PDGFRA: variants seen among roughly 807,000 people sequenced by gnomAD.
PDGFRA encodes platelet-derived growth factor receptor alpha.
PDGFRA carries 25 observed loss-of-function variants against 121.5 expected under a neutral mutation model. The ratio of observed to expected loss-of-function variants is 0.21; its 90% CI spans 0.15 to 0.29. The LOEUF (loss-of-function observed/expected upper bound fraction) is 0.29. Ranked by LOEUF, PDGFRA falls within the 10% of genes least tolerant of loss-of-function variation. The pLI is 1.00. For missense variants in PDGFRA, 1,008 were observed against 1,345.1 expected, an observed-to-expected ratio of 0.75 and a Z score of 3.92; for synonymous variants, 463 against 494.8, an observed-to-expected ratio of 0.94 and a Z score of 0.85.
chr4:54,245,663 C>G (rs1282913172), intron 1 of PDGFRA, among the ~76,000 whole-genome samples: 2 of 151,780 alleles, frequency 1.3e-5, no homozygotes, highest in Non-Finnish European at 3.0e-5. Context: ...AACTAACGAG[C>G]AAAATAACCA....
chr4:54,290,262 T>G, intron 21 of PDGFRA, 51 bp from the exon 22 acceptor site: 4 of 1,452,846 alleles, frequency 2.8e-6, no homozygotes, highest in Non-Finnish European at 3.9e-6. Flanking sequence ...TATTCATTTT[T>G]GAGGTTTGGT....
At chr4:54,230,798 C>A (rs1184322093) in intron 1 of PDGFRA, among the ~76,000 whole-genome samples, 1 of 152,172 alleles carries the variant, frequency 6.6e-6, no homozygotes, top group African/African-American at 2.4e-5. Context: ...GCCGTCTGTG[C>A]GTACTTCTCC....
At chr4:54,260,434 G>T (rs1722635293) in intron 2 of PDGFRA, among the ~76,000 whole-genome samples, 1 of 134,210 alleles carries the variant, frequency 7.5e-6, no homozygotes. Flanking sequence ...TTTGAGACAG[G>T]GTCTCTCGCT....
chr4:54,262,825 G>T (rs1199495263), intron 3 of PDGFRA, among the ~76,000 whole-genome samples: 1 of 152,202 alleles, frequency 6.6e-6, no homozygotes, highest in Non-Finnish European at 1.5e-5. Context: ...ACGTGAATGT[G>T]TTAAAGGCAC....
intron 12 of PDGFRA, chr4:54,277,137 G>T (rs1723775048): frequency 3.8e-6 from 2 of 527,306 alleles, no homozygotes; most frequent in East Asian, 3.5e-5. Context: ...ACCAGGGAGG[G>T]CTGCACCCTC....
At chr4:54,255,177 A>G (rs1421041956) in intron 1 of PDGFRA, among the ~76,000 whole-genome samples, 2 of 152,206 alleles carry the variant, frequency 1.3e-5, no homozygotes, top group East Asian at 3.9e-4. Flanking sequence ...ATCAGCTCTA[A>G]GTAACCACAG....
At chr4:54,293,533 C>T (rs573239938) in intron 22 of PDGFRA, among the ~76,000 whole-genome samples, 51 of 149,528 alleles carry the variant, frequency 3.4e-4, no homozygotes, top group African/African-American at 1.1e-3. Flanking sequence ...TGAGTTCAAG[C>T]CATTCTCATA....
Position 54,289,039 on chromosome 4 carries a change from T to G in PDGFRA, c.2805T>G (p.Ser935Arg), listed in dbSNP as rs1553906487. ...AGATCATGGTGAAATGCTGGAACAG[T>G]GAGCCGGAGAAGAGACCCTCCTTTT... ...VYEIMVKCWN[S>R]EPEKRPSFYH... The change falls in exon 21 of 23, where the codon AGT (serine) becomes AGG (arginine). Residue 935 changes from serine (S) to arginine (R), a missense_variant. By Grantham distance (110) the Ser-to-Arg change is moderately radical. Around this residue, in one of 5 missense-constraint regions of PDGFRA, gnomAD observed 204 missense variants for 243.0 expected, o/e 0.84. Coordinates refer to ENST00000257290, the MANE Select transcript of PDGFRA (RefSeq NM_006206.6). 1 of 1,611,622 alleles carries G rather than the reference T, an allele frequency of 6.2e-7. No individual in the cohort carries two copies. The highest frequency in any genetic ancestry group is 8.5e-7 in the Non-Finnish European group (1 of 1,177,882).
At chr4:54,239,864 T>G (rs1721203178) in intron 1 of PDGFRA, among the ~76,000 whole-genome samples, 1 of 152,118 alleles carries the variant, frequency 6.6e-6, no homozygotes, top group South Asian at 2.1e-4. Flanking sequence ...ATTTATTTAT[T>G]TTTAGAGATA....
chr4:54,234,185 G>A (rs1327147811), intron 1 of PDGFRA, among the ~76,000 whole-genome samples: 3 of 152,206 alleles, frequency 2.0e-5, no homozygotes, highest in Admixed American at 2.0e-4. Context: ...TGATGATGGG[G>A]ATGATGGGGA....
Position 54,257,875 on chromosome 4 carries a change from T to C in PDGFRA, c.-12-882T>C, listed in dbSNP as rs73151427. Among the ~76,000 whole-genome samples, 1,208 of 152,308 alleles carry C rather than the reference T, an allele frequency of 7.9e-3. 14 individuals are homozygous for C. The highest frequency in any genetic ancestry group is 0.028 in the African/African-American group (1,159 of 41,570). On this transcript the variant is annotated intron_variant, in intron 1 of 22. Transcript: ENST00000257290. The stretch of plus-strand genomic sequence containing the variant: ...TTTTAATTTTCTTTTCCCTTCCCAC[T>C]TTTTGCCCACTTTTTGCCTTATTTG...
chr4:54,247,811 A>G (rs1295148825), intron 1 of PDGFRA, among the ~76,000 whole-genome samples: 1 of 152,220 alleles, frequency 6.6e-6, no homozygotes, highest in Non-Finnish European at 1.5e-5. Flanking sequence ...ATGATTGTAT[A>G]TCTAGAAAAC....
At chr4:54,232,466 T>C (rs1720740347) in intron 1 of PDGFRA, among the ~76,000 whole-genome samples, 1 of 152,230 alleles carries the variant, frequency 6.6e-6, no homozygotes, top group East Asian at 1.9e-4. Context: ...CCTCCTTCCC[T>C]GCCTCCTACT....
At chr4:54,251,499 G>A (rs1381295682) in intron 1 of PDGFRA, among the ~76,000 whole-genome samples, 1 of 152,102 alleles carries the variant, frequency 6.6e-6, no homozygotes, top group African/African-American at 2.4e-5. Flanking sequence ...TTTTGTAATA[G>A]GACACAATTA....
At chr4:54,271,018 A>T in intron 8 of PDGFRA, among the ~76,000 whole-genome samples, 2 of 152,150 alleles carry the variant, frequency 1.3e-5, no homozygotes, top group Non-Finnish European at 2.9e-5. Context: ...CATGTTGCTC[A>T]GGCTGGTCTC....
intron 1 of PDGFRA, among the ~76,000 whole-genome samples, chr4:54,246,979 T>C (rs1476334383): frequency 5.3e-5 from 8 of 152,174 alleles, no homozygotes; most frequent in African/African-American, 1.9e-4. Flanking sequence ...AAGAAGTGGA[T>C]AAATTCCTCG....
At chr4:54,250,020 C>T (rs541066176) in intron 1 of PDGFRA, among the ~76,000 whole-genome samples, 9 of 152,154 alleles carry the variant, frequency 5.9e-5, no homozygotes, top group African/African-American at 1.7e-4. Context: ...TTGGGTTTGA[C>T]ATTAATACTA....
intron 16 of PDGFRA, chr4:54,280,748 G>A: frequency 7.8e-6 from 2 of 255,894 alleles, no homozygotes; most frequent in Non-Finnish European, 1.5e-5. Flanking sequence ...TGTTCCTGCA[G>A]TAAACATTTT....
At chr4:54,251,239 A>G (rs1439983965) in intron 1 of PDGFRA, among the ~76,000 whole-genome samples, 2 of 152,272 alleles carry the variant, frequency 1.3e-5, no homozygotes, top group East Asian at 1.9e-4. Context: ...AAAGACCAAA[A>G]CAATCTTTTA....
Sources: allele counts gnomAD v4.1 joint callset (sites outside exome capture counted in the v4.1 genomes callset), GRCh38; gene constraint gnomAD v4.1.1; regional missense constraint gnomAD v4.1.1; transcripts MANE v1.5; gene names NCBI Gene and HGNC (gene_info 2026-07-23, HGNC 2026-07-21).